The following MAML3 variants were observed in gnomAD, a reference collection of about 807,000 sequenced individuals.
MAML3 encodes mastermind-like protein 3.
A neutral mutation model predicts 101.9 loss-of-function variants in MAML3; 27 were observed. The ratio of observed to expected loss-of-function variants is 0.27; its 90% CI spans 0.20 to 0.37. The LOEUF is 0.37. Ranked by LOEUF, MAML3 falls within the 10% of genes least tolerant of loss-of-function variation. MAML3 has a pLI of 1.00. For missense variants in MAML3, 1,316 were observed against 1,444.9 expected (o/e 0.91, Z 1.45); for synonymous variants, 501 against 555.9 (o/e 0.90, Z 1.39).
intron 1 of MAML3, among the ~76,000 whole-genome samples, chr4:140,091,455 T>C (rs1728046228): frequency 6.7e-6 from 1 of 150,202 alleles, no homozygotes; most frequent in Admixed American, 6.7e-5. Context: ...AAATGACTAA[T>C]TCCTTGCACA....
intron 2 of MAML3, among the ~76,000 whole-genome samples, chr4:139,881,759 T>C (rs1407991388): frequency 1.3e-5 from 2 of 152,210 alleles, no homozygotes; most frequent in African/African-American, 2.4e-5. Context: ...TGCAGTGCAG[T>C]GGTGCGATCT....
At chr4:140,030,820 C>T (rs575817903) in intron 1 of MAML3, among the ~76,000 whole-genome samples, 1 of 152,260 alleles carries the variant, frequency 6.6e-6, no homozygotes, top group Non-Finnish European at 1.5e-5. Context: ...ATTCTAAACC[C>T]CAGGGATGGT....
intron 1 of MAML3, among the ~76,000 whole-genome samples, chr4:140,074,237 G>GAAAGAAAA (rs1727728041): frequency 7.7e-6 from 1 of 130,092 alleles, no homozygotes; most frequent in African/African-American, 2.7e-5. Context: ...AAGAAAGAAA[G>GAAAGAAAA]AAAGAAAGAA....
chr4:139,896,171 G>A (rs2111206323), intron 1 of MAML3, among the ~76,000 whole-genome samples: 1 of 152,268 alleles, frequency 6.6e-6, no homozygotes, highest in East Asian at 1.9e-4. Flanking sequence ...TGAGAAGGCT[G>A]ATTCACAAGC....
intron 1 of MAML3, among the ~76,000 whole-genome samples, chr4:140,141,027 T>C (rs989729951): frequency 1.3e-5 from 2 of 152,146 alleles, no homozygotes; most frequent in Non-Finnish European, 2.9e-5. Context: ...ATTTAGAAAA[T>C]GCAGTTGCTC....
At chr4:140,126,016 T>C (rs1162178117) in intron 1 of MAML3, among the ~76,000 whole-genome samples, 1 of 152,080 alleles carries the variant, frequency 6.6e-6, no homozygotes, top group Non-Finnish European at 1.5e-5. Flanking sequence ...GACCTCGTGA[T>C]CCACCCGCCT....
chr4:139,749,392 T>C (rs1272205122), intron 2 of MAML3, among the ~76,000 whole-genome samples: 2 of 152,198 alleles, frequency 1.3e-5, no homozygotes, highest in Non-Finnish European at 2.9e-5. Context: ...TTGCATATAT[T>C]CCCTTCCTAA....
chr4:139,968,175 G>A (rs572983105), intron 1 of MAML3, among the ~76,000 whole-genome samples: 1 of 151,780 alleles, frequency 6.6e-6, no homozygotes, highest in African/African-American at 2.4e-5. Context: ...GCTAAGTCAG[G>A]AGGCTTTATA....
intron 1 of MAML3, among the ~76,000 whole-genome samples, chr4:140,092,854 A>C (rs1728085031): frequency 1.2e-5 from 1 of 81,168 alleles, no homozygotes; most frequent in Non-Finnish European, 2.7e-5. Flanking sequence ...CTGGCTGTAC[A>C]CTGAGGCAAC....
At chr4:140,091,113 G>A (rs1422369725) in intron 1 of MAML3, among the ~76,000 whole-genome samples, 4 of 152,124 alleles carry the variant, frequency 2.6e-5, no homozygotes, top group South Asian at 2.1e-4. Context: ...TGGACAGAGG[G>A]CTTTTTCTAA....
intron 1 of MAML3, among the ~76,000 whole-genome samples, chr4:139,950,614 C>G (rs571570065): frequency 2.6e-5 from 4 of 152,274 alleles, no homozygotes; most frequent in African/African-American, 9.6e-5. Context: ...TGGCCACTTT[C>G]CATTACAGCA....
intron 2 of MAML3, among the ~76,000 whole-genome samples, chr4:139,884,676 G>A (rs983687015): frequency 6.6e-6 from 1 of 152,186 alleles, no homozygotes; most frequent in Non-Finnish European, 1.5e-5. Flanking sequence ...CTGTTGTTCC[G>A]CTGGTTCAAG....
At chr4:139,912,575 T>G (rs1272417922) in intron 1 of MAML3, among the ~76,000 whole-genome samples, 1 of 152,184 alleles carries the variant, frequency 6.6e-6, no homozygotes, top group African/African-American at 2.4e-5. Flanking sequence ...TCTTTGCAGA[T>G]GAAATTCATT....
chr4:139,950,796 T>C (rs1003603707), intron 1 of MAML3, among the ~76,000 whole-genome samples: 2 of 152,186 alleles, frequency 1.3e-5, no homozygotes, highest in African/African-American at 4.8e-5. Context: ...GCGGCCACCC[T>C]GCTAAGAGTC....
intron 1 of MAML3, among the ~76,000 whole-genome samples, chr4:139,952,176 C>G (rs548885096): frequency 6.6e-6 from 1 of 152,154 alleles, no homozygotes; most frequent in African/African-American, 2.4e-5. Flanking sequence ...AAAAGACAAA[C>G]AAACAAAAAG....
chr4:139,932,996 T>C lies in MAML3; in HGVS notation c.469-42029A>G, dbSNP rs544226222. 3.3e-5 allele frequency among the ~76,000 whole-genome samples: 5 copies of C among 152,182 alleles called. No individual in the cohort carries two copies. In the East Asian group the frequency reaches 7.7e-4, roughly 24 times the overall value. On this transcript the variant is annotated intron_variant, in intron 1 of 4. Transcript: ENST00000509479. ...GTTTATCTGGAAACACAGGGAAACA[T>C]AGTTAGCCGTGGCAGCAGAACCTAA... is the stretch of plus-strand genomic sequence containing the variant.
chr4:139,842,848 G>A lies in MAML3; in HGVS notation c.2079+46509C>T, dbSNP rs931336983. 8.7e-5 allele frequency among the ~76,000 whole-genome samples: 11 copies of A among 127,106 alleles called. No homozygotes were observed. The South Asian group carries it at 1.9e-3, about 22-fold the overall frequency. The allele number at this position is 127,106 out of a possible 152,430, so 83.4% of individuals were successfully genotyped here. ...GGCTGGAGTGCAGTGGCGCCATCTCGGCTCACTGTAACCTCCGCCTCCTGG... is the reference window on the plus strand; with the variant it reads ...GGCTGGAGTGCAGTGGCGCCATCTCAGCTCACTGTAACCTCCGCCTCCTGG... On this transcript the variant is annotated intron_variant, in intron 2 of 4. Transcript: ENST00000509479.
intron 1 of MAML3, among the ~76,000 whole-genome samples, chr4:140,094,487 C>T (rs765741578): frequency 2.6e-5 from 4 of 152,180 alleles, no homozygotes; most frequent in Non-Finnish European, 5.9e-5. Flanking sequence ...CAGGGAAACT[C>T]GGATTTGTCC....
At chr4:139,928,428 C>G (rs1358477683) in intron 1 of MAML3, among the ~76,000 whole-genome samples, 1 of 152,088 alleles carries the variant, frequency 6.6e-6, no homozygotes, top group Non-Finnish European at 1.5e-5. Flanking sequence ...TAAAAGAATA[C>G]AGAGAGTAAG....
Sources: gnomAD v4.1 joint callset for allele counts (sites outside exome capture counted in the v4.1 genomes callset) on GRCh38, gnomAD v4.1.1 for gene constraint, MANE v1.5 for transcripts, NCBI Gene and HGNC (gene_info 2026-07-23, HGNC 2026-07-21) for gene names.